CEP85L: variants seen among roughly 807,000 people sequenced by gnomAD.
CEP85L encodes the protein centrosomal protein 85L, also known as centrosomal protein of 85 kDa-like.
A neutral mutation model predicts 100.3 loss-of-function variants in CEP85L; 60 were observed. That is an observed-to-expected ratio of 0.60 (90% CI 0.49 to 0.74). CEP85L has a LOEUF of 0.74. Among genes scored for constraint, CEP85L ranks in the 30% least tolerant of loss-of-function variants. The probability of loss-of-function intolerance (pLI) is 0.00; values close to 1 mark genes in which losing one functional copy is unlikely to be tolerated. For synonymous variants in CEP85L, 319 were observed against 322.7 expected (o/e 0.99, Z 0.12); for missense variants, 973 against 936.2 (o/e 1.04, Z -0.51).
Position 118,566,000 on chromosome 6 carries a change from C to A in CEP85L, c.549G>T (p.Leu183Phe), listed in dbSNP as rs1779478374. Residue 183 changes from leucine to phenylalanine, a missense_variant, in exon 3 of 13, where the codon TTG (leucine) becomes TTT (phenylalanine). By Grantham distance (22) the Leu-to-Phe change is conservative. Coordinates refer to ENST00000368491, the MANE Select transcript of CEP85L (RefSeq NM_001042475.3). ...AAGCCTTAGCCTTCCCTATCTTCTC[C>A]AAACCATTCCTTGACTCTTCTCTGC... ...TVCREESRNG[L>F]EKIGKAKALT... 1 of 1,614,216 alleles carries A rather than the reference C, an allele frequency of 6.2e-7. No individual in the cohort carries two copies. Among genetic ancestry groups the A allele is most frequent in the South Asian group, 1.1e-5 (1 of 91,080 alleles).
chr6:118,487,940 A>T (rs1424815166), intron 6 of CEP85L, among the ~76,000 whole-genome samples: 1 of 152,168 alleles, frequency 6.6e-6, no homozygotes, highest in Non-Finnish European at 1.5e-5. Context: ...GGACTGGCTG[A>T]AATTCTGCTT....
chr6:118,483,600 A>T (rs1773954869), intron 7 of CEP85L, 106 bp downstream of exon 7: 1 of 1,011,306 alleles, frequency 9.9e-7, no homozygotes, highest in South Asian at 1.6e-5. Flanking sequence ...TAAGTCCCCA[A>T]AACAGCAATT....
intron 1 of CEP85L, among the ~76,000 whole-genome samples, chr6:118,635,701 A>G: frequency 6.6e-6 from 1 of 152,202 alleles, no homozygotes; most frequent in Non-Finnish European, 1.5e-5. Flanking sequence ...TTTAGGCAAT[A>G]TAACTATTTT....
chr6:118,695,770 T>C (rs1319639455), intron 1 of CEP85L, among the ~76,000 whole-genome samples: 1 of 152,146 alleles, frequency 6.6e-6, no homozygotes, highest in African/African-American at 2.4e-5. Flanking sequence ...TAAAAAGTAA[T>C]GTGTACAAGA....
At chr6:118,555,025 C>G (rs1004095603) in intron 3 of CEP85L, among the ~76,000 whole-genome samples, 2 of 152,122 alleles carry the variant, frequency 1.3e-5, no homozygotes, top group African/African-American at 4.8e-5. Flanking sequence ...AATTTCTGAC[C>G]TTTTAAGACC....
At chr6:118,519,471 T>C (rs1322385847) in intron 4 of CEP85L, among the ~76,000 whole-genome samples, 21 of 25,830 alleles carry the variant, frequency 8.1e-4, no homozygotes, top group African/African-American at 2.5e-3. Context: ...TGTGTGTGTG[T>C]GTGGCGGGGG....
chr6:118,703,846 A>T (rs971173316), intron 1 of CEP85L, among the ~76,000 whole-genome samples: 1 of 152,194 alleles, frequency 6.6e-6, no homozygotes, highest in South Asian at 2.1e-4. Context: ...AAATATATTT[A>T]ATGTTATCTG....
At chr6:118,506,208 T>G (rs1775647556) in intron 5 of CEP85L, among the ~76,000 whole-genome samples, 1 of 152,178 alleles carries the variant, frequency 6.6e-6, no homozygotes, top group Non-Finnish European at 1.5e-5. Context: ...TTTTAACTAG[T>G]GCACTAACAA....
chr6:118,697,155 C>G (rs1266280557), intron 1 of CEP85L, among the ~76,000 whole-genome samples: 3 of 152,108 alleles, frequency 2.0e-5, no homozygotes, highest in African/African-American at 7.2e-5. Context: ...CACCTGCAAG[C>G]GTAGAGGTGT....
intron 2 of CEP85L, among the ~76,000 whole-genome samples, chr6:118,625,528 A>T (rs1378854406): frequency 6.6e-6 from 1 of 152,150 alleles, no homozygotes; most frequent in East Asian, 1.9e-4. Context: ...TTCCCTGATG[A>T]CCCTACAAAG....
At chr6:118,605,643 G>A (rs953654888) in intron 2 of CEP85L, among the ~76,000 whole-genome samples, 7 of 152,142 alleles carry the variant, frequency 4.6e-5, no homozygotes, top group Non-Finnish European at 1.0e-4. Flanking sequence ...AACAGGGTCT[G>A]TGGCACTTCC....
At chr6:118,468,359 G>A (rs1353064898) in intron 12 of CEP85L, among the ~76,000 whole-genome samples, 1 of 152,092 alleles carries the variant, frequency 6.6e-6, no homozygotes, top group Admixed American at 6.6e-5. Context: ...CTTATTATAT[G>A]GTCTTACTGC....
chr6:118,536,917 T>C (rs1291474346), intron 3 of CEP85L, among the ~76,000 whole-genome samples: 1 of 152,176 alleles, frequency 6.6e-6, no homozygotes, highest in East Asian at 1.9e-4. Flanking sequence ...CCCAAGTAGT[T>C]AGAAAACAAG....
At position 118,483,807 on chromosome 6, in the gene CEP85L, C is replaced by T; in HGVS notation, c.1489G>A (p.Glu497Lys). 1.2e-6 allele frequency: 2 copies of T among 1,613,738 alleles called. No individual in the cohort carries two copies. Among genetic ancestry groups the T allele is most frequent in the Non-Finnish European group, 1.7e-6 (2 of 1,179,818 alleles). Residue 497 changes from glutamate to lysine, a missense_variant, in exon 7 of 13, where the codon GAA becomes AAA. Coordinates refer to ENST00000368491, the MANE Select transcript of CEP85L (RefSeq NM_001042475.3). ...ISSLKKKCQKESEQNKEKQRR... is the reference protein window; with the variant it reads ...ISSLKKKCQKKSEQNKEKQRR... The stretch of plus-strand genomic sequence containing the variant: ...TGCTTTTCTTTGTTTTGTTCAGATT[C>T]CTTCTGGCATTTCTTTTTCAGACTA...
chr6:118,612,006 C>T lies in CEP85L; in HGVS notation c.232+20447G>A, dbSNP rs117631643. On this transcript the variant is annotated intron_variant, in intron 2 of 12. Transcript: ENST00000368491. ...CAAGATCTAATCAACATTTATAGGACACTCCCCCACTACAACAGCAGAATA... is the reference window on the plus strand; with the variant it reads ...CAAGATCTAATCAACATTTATAGGATACTCCCCCACTACAACAGCAGAATA... Among the ~76,000 whole-genome samples the T allele has an allele frequency of 9.6e-4, 146 of 152,180 alleles. 3 individuals are homozygous for T. The East Asian group carries it at 0.025, about 26-fold the overall frequency.
At chr6:118,639,936 C>T (rs1034572071) in intron 1 of CEP85L, among the ~76,000 whole-genome samples, 1 of 152,100 alleles carries the variant, frequency 6.6e-6, no homozygotes, top group Non-Finnish European at 1.5e-5. Context: ...ATATTTTAAA[C>T]TATCCCTTGA....
At chr6:118,537,062 T>C (rs1441383039) in intron 3 of CEP85L, among the ~76,000 whole-genome samples, 2 of 152,146 alleles carry the variant, frequency 1.3e-5, no homozygotes, top group African/African-American at 4.8e-5. Context: ...AAAACATGTA[T>C]CAAAATTCAC....
At chr6:118,548,024 G>C (rs1236396841) in intron 3 of CEP85L, among the ~76,000 whole-genome samples, 2 of 151,954 alleles carry the variant, frequency 1.3e-5, no homozygotes, top group Non-Finnish European at 2.9e-5. Context: ...TTATCTCTAA[G>C]CCTGAAGATG....
At chr6:118,629,597 T>G (rs1172820110) in intron 2 of CEP85L, among the ~76,000 whole-genome samples, 1 of 152,208 alleles carries the variant, frequency 6.6e-6, no homozygotes, top group East Asian at 1.9e-4. Flanking sequence ...TACAGCCTCT[T>G]TGGAAGACAG....
Sources: gnomAD v4.1 joint callset for allele counts (sites outside exome capture counted in the v4.1 genomes callset) on GRCh38, gnomAD v4.1.1 for gene constraint, MANE v1.5 for transcripts, NCBI Gene and HGNC (gene_info 2026-07-23, HGNC 2026-07-21) for gene names.